SWAP70: variants seen among roughly 807,000 people sequenced by gnomAD.
The protein encoded by SWAP70 is switch-associated protein 70.
In SWAP70, 34 loss-of-function variants were observed where a neutral mutation model predicts 80.2. The observed-to-expected ratio is 0.42, with a 90% CI of 0.32 to 0.56. SWAP70 has a LOEUF of 0.56. Among genes scored for constraint, SWAP70 ranks in the 20% least tolerant of loss-of-function variants. The pLI is 0.09. For missense variants in SWAP70, 578 were observed against 690.7 expected (o/e 0.84, Z 1.83); for synonymous variants, 239 against 238.5 (o/e 1.00, Z -0.02).
chr11:9,668,361 C>T (rs372224748), intron 1 of SWAP70, among the ~76,000 whole-genome samples: 8 of 152,158 alleles, frequency 5.3e-5, no homozygotes, highest in East Asian at 3.8e-4. Context: ...TAGATTTCAC[C>T]CACAGTATGT....
At chr11:9,706,591 G>A (rs1850918255) in intron 2 of SWAP70, among the ~76,000 whole-genome samples, 1 of 152,018 alleles carries the variant, frequency 6.6e-6, no homozygotes, top group African/African-American at 2.4e-5. Flanking sequence ...CCGAGAGGAA[G>A]CCACCATCCT....
chr11:9,679,649 T>A (rs575732208), intron 1 of SWAP70, among the ~76,000 whole-genome samples: 1 of 152,264 alleles, frequency 6.6e-6, no homozygotes, highest in Admixed American at 6.5e-5. Flanking sequence ...CTTTGCTTTT[T>A]ATTTTTTATA....
chr11:9,674,930 C>G (rs1316278471), intron 1 of SWAP70, among the ~76,000 whole-genome samples: 1 of 151,336 alleles, frequency 6.6e-6, no homozygotes, highest in Non-Finnish European at 1.5e-5. Context: ...GATTATGCCA[C>G]TGCCCTCCAG....
In SWAP70 at chr11:9,729,102, A is replaced by T. The variant is rs1851262289; in HGVS notation, c.790-241A>T. 1.3e-5 allele frequency among the ~76,000 whole-genome samples: 2 copies of T among 152,184 alleles called. 1 individual carries two copies. Among genetic ancestry groups the T allele is most frequent in the South Asian group, 4.1e-4 (2 of 4,836 alleles). ...GGATAAGAGCTGCTATACTCAGGAA[A>T]TCCCAATGCATGGCATCCTATCAGG... On this transcript the variant is annotated intron_variant, in intron 5 of 11. Coordinates refer to ENST00000318950, the MANE Select transcript of SWAP70 (RefSeq NM_015055.4).
intron 2 of SWAP70, among the ~76,000 whole-genome samples, chr11:9,711,950 C>T (rs1041607352): frequency 6.6e-6 from 1 of 152,228 alleles, no homozygotes; most frequent in Admixed American, 6.5e-5. Flanking sequence ...TTCTTCCAAA[C>T]TAACCATGCT....
intron 1 of SWAP70, among the ~76,000 whole-genome samples, chr11:9,671,187 T>A (rs1258998654): frequency 5.9e-5 from 6 of 101,004 alleles, no homozygotes; most frequent in Admixed American, 2.9e-4. Context: ...AATATAAAAA[T>A]ATATAAAATA....
At chr11:9,747,772 C>G in intron 9 of SWAP70, 86 bp from the exon 10 acceptor site, 1 of 1,281,840 alleles carries the variant, frequency 7.8e-7, no homozygotes, top group Non-Finnish European at 1.1e-6. Flanking sequence ...CTCAAATATT[C>G]TCTTGTCTAA....
In SWAP70 at chr11:9,664,157, G is replaced by C; in HGVS notation, c.-23G>C. On this transcript the variant is annotated 5_prime_UTR_variant, in exon 1 of 12. Transcript: ENST00000318950. ...AGGGGCTGGCTGGGCAGGAGGGGTT[G>C]GCGGGGCAGCAGGGCCGCGGCCATG... is the stretch of plus-strand genomic sequence containing the variant. 1 of 1,552,868 alleles carries C rather than the reference G, an allele frequency of 6.4e-7. No homozygotes were observed. The highest frequency in any genetic ancestry group is 8.7e-7 in the Non-Finnish European group (1 of 1,151,474).
At chr11:9,730,491 G>A (rs1297355471) in intron 6 of SWAP70, among the ~76,000 whole-genome samples, 1 of 152,044 alleles carries the variant, frequency 6.6e-6, no homozygotes, top group Non-Finnish European at 1.5e-5. Flanking sequence ...ATGTGTGTAT[G>A]CACACACTAC....
intron 9 of SWAP70, 147 bp downstream of exon 9, chr11:9,740,494 C>G: frequency 1.2e-6 from 1 of 808,844 alleles, no homozygotes; most frequent in Non-Finnish European, 2.1e-6. Flanking sequence ...ATTAGAAAGA[C>G]TGTGGAGACT....
chr11:9,727,277 A>T (rs1463694951), intron 4 of SWAP70, among the ~76,000 whole-genome samples: 1 of 152,108 alleles, frequency 6.6e-6, no homozygotes, highest in Non-Finnish European at 1.5e-5. Flanking sequence ...AGTCCCAGCT[A>T]CTCAGGAGGC....
chr11:9,713,672 C>A lies in SWAP70; in HGVS notation c.414+33C>A, dbSNP rs752189563. 3.2e-6 allele frequency: 5 copies of A among 1,586,198 alleles called. No homozygotes were observed. The African/African-American group carries it at 4.1e-5, about 13-fold the overall frequency. ...GTGGCTTGGGGAGTTTTTACTTGGT[C>A]ATTTTAGCATTTAATAGACCTGGCT... On this transcript the variant is annotated intron_variant, in intron 3 of 11. Transcript: ENST00000318950.
rs6483658 is a variant in SWAP70, at chr11:9,750,295, C to T, written c.*325C>T. ...GGCGGAGGTTGCAGCGAGCTGAGAT[C>T]ATGCCGTTGTACTCCAGCTTGGGCA... On this transcript the variant is annotated 3_prime_UTR_variant, in exon 12 of 12. Transcript: ENST00000318950. 0.086 allele frequency: 17,572 copies of T among 204,244 alleles called. 2,145 individuals carry two copies. Among genetic ancestry groups the T allele is most frequent in the East Asian group, 0.28 (2,535 of 8,990 alleles). 12.7% of individuals were successfully genotyped at this position (204,244 alleles called of 1,614,324 possible). A position where few individuals can be genotyped will look rare whatever the true frequency, so the allele number is the denominator to read the frequency against.
intron 9 of SWAP70, 67 bp from the exon 10 acceptor site, chr11:9,747,791 C>T (rs900028334): frequency 6.8e-7 from 1 of 1,463,802 alleles, no homozygotes; most frequent in Non-Finnish European, 9.6e-7. Context: ...AAAATGCTTC[C>T]CTCGTCTGCT....
chr11:9,705,939 C>CT (rs754975793), intron 2 of SWAP70, among the ~76,000 whole-genome samples: 3 of 46,724 alleles, frequency 6.4e-5, no homozygotes, highest in South Asian at 1.9e-3. Context: ...TCTGTATACA[C>CT]TGGTGATCTG....
intron 2 of SWAP70, among the ~76,000 whole-genome samples, chr11:9,695,125 T>C (rs1396663545): frequency 6.6e-6 from 1 of 152,020 alleles, no homozygotes; most frequent in Non-Finnish European, 1.5e-5. Context: ...CCCATCTCTA[T>C]TAAAAATACA....
intron 4 of SWAP70, among the ~76,000 whole-genome samples, chr11:9,726,671 A>G (rs1485902595): frequency 6.6e-6 from 1 of 152,272 alleles, no homozygotes; most frequent in Non-Finnish European, 1.5e-5. Flanking sequence ...AATGATATGT[A>G]TATTCTATCA....
intron 2 of SWAP70, among the ~76,000 whole-genome samples, chr11:9,697,161 T>C (rs534257147): frequency 1.2e-4 from 18 of 152,160 alleles, no homozygotes; most frequent in Middle Eastern, 6.8e-3. Context: ...TTATTATTTA[T>C]ATGTATAATT....
intron 4 of SWAP70, among the ~76,000 whole-genome samples, chr11:9,727,622 A>G: frequency 6.6e-6 from 1 of 152,212 alleles, no homozygotes. Context: ...ATATGCATCA[A>G]CCAGCTCCAG....
Sources: gnomAD v4.1 joint callset for allele counts (sites outside exome capture counted in the v4.1 genomes callset) on GRCh38, gnomAD v4.1.1 for gene constraint, MANE v1.5 for transcripts, NCBI Gene and HGNC (gene_info 2026-07-23, HGNC 2026-07-21) for gene names.